Variants in PALM2AKAP2 observed in about 807,000 individuals in gnomAD.
PALM2AKAP2 encodes the protein PALM2 and AKAP2 fusion, also known as PALM2-AKAP2 fusion protein.
A neutral mutation model predicts 71.5 loss-of-function variants in PALM2AKAP2; 37 were observed. The observed-to-expected ratio is 0.52, with a 90% CI of 0.40 to 0.68. PALM2AKAP2 has a LOEUF of 0.68. Ranked by LOEUF, PALM2AKAP2 falls within the 30% of genes least tolerant of loss-of-function variation. The pLI is 0.00. For missense variants in PALM2AKAP2, 1,224 were observed against 1,191.8 expected (o/e 1.03, Z -0.40); for synonymous variants, 468 against 478.8 (o/e 0.98, Z 0.29).
chr9:110,046,274 C>T (rs1182448818), upstream of PALM2AKAP2, among the ~76,000 whole-genome samples: 4 of 152,066 alleles, frequency 2.6e-5, no homozygotes, highest in African/African-American at 7.2e-5. Context: ...ATGGCTACCT[C>T]TTTAATAATT....
intron 1 of PALM2AKAP2, among the ~76,000 whole-genome samples, chr9:109,756,099 C>T (rs12337880): frequency 9.9e-5 from 15 of 152,092 alleles, no homozygotes; most frequent in Non-Finnish European, 1.6e-4. Flanking sequence ...AGTTATAACA[C>T]TTTTGATTCA....
intron 1 of PALM2AKAP2, among the ~76,000 whole-genome samples, chr9:109,675,501 C>T (rs796118315): frequency 2.0e-5 from 3 of 152,240 alleles, no homozygotes; most frequent in African/African-American, 7.2e-5. Context: ...TGCCTCCATA[C>T]TTGTTTGGCC....
rs559223323 is a variant in PALM2AKAP2, at chr9:109,880,163, C to A, written c.127-388C>A. Among the ~76,000 whole-genome samples the A allele has an allele frequency of 2.0e-4, 30 of 152,162 alleles. No homozygotes were observed. The South Asian group carries it at 6.2e-3, about 32-fold the overall frequency. ...AAGTTTTTTAATTAAATTACAGTTG[C>A]ATAGAAAAATGTTCTTAATTTTTAG... On this transcript the variant is annotated intron_variant, in intron 2 of 9. Transcript: ENST00000302798.
intron 7 of PALM2AKAP2, among the ~76,000 whole-genome samples, chr9:110,023,602 C>T (rs1017789158): frequency 1.3e-5 from 2 of 152,050 alleles, no homozygotes; most frequent in African/African-American, 4.8e-5. Context: ...GCGTGAGCCA[C>T]AGCACCCAGC....
chr9:109,785,803 A>G (rs1297223814), intron 1 of PALM2AKAP2, among the ~76,000 whole-genome samples: 3 of 152,222 alleles, frequency 2.0e-5, no homozygotes, highest in Non-Finnish European at 2.9e-5. Context: ...AAACCGTATC[A>G]CTTGTGTTAG....
At chr9:110,130,476 T>G (rs1449805074) in intron 1 of PALM2AKAP2, among the ~76,000 whole-genome samples, 1 of 152,246 alleles carries the variant, frequency 6.6e-6, no homozygotes, top group African/African-American at 2.4e-5. Context: ...TAAACACTTT[T>G]TGGTAAATAA....
At chr9:109,931,119 G>A (rs1337066084) in intron 5 of PALM2AKAP2, among the ~76,000 whole-genome samples, 2 of 152,150 alleles carry the variant, frequency 1.3e-5, no homozygotes, top group African/African-American at 2.4e-5. Context: ...TCTTTCTGGG[G>A]TGTACCCAGA....
intron 1 of PALM2AKAP2, among the ~76,000 whole-genome samples, chr9:109,649,103 G>A (rs1048250925): frequency 1.3e-5 from 2 of 151,550 alleles, no homozygotes; most frequent in African/African-American, 4.8e-5. Context: ...TTTAAACACT[G>A]AAAGTTTGGT....
chr9:110,051,607 G>T (rs1370351094), intron 1 of PALM2AKAP2, among the ~76,000 whole-genome samples: 1 of 152,180 alleles, frequency 6.6e-6, no homozygotes, highest in African/African-American at 2.4e-5. Context: ...TTGGATGGAG[G>T]TTGTGTTGAG....
intron 1 of PALM2AKAP2, among the ~76,000 whole-genome samples, chr9:110,056,491 C>G (rs902824611): frequency 6.6e-6 from 1 of 152,218 alleles, no homozygotes; most frequent in Non-Finnish European, 1.5e-5. Context: ...GAAAGGCACT[C>G]TGTGTGCGTG....
intron 1 of PALM2AKAP2, among the ~76,000 whole-genome samples, chr9:109,737,929 G>A (rs1183049824): frequency 6.6e-6 from 1 of 152,160 alleles, no homozygotes; most frequent in Non-Finnish European, 1.5e-5. Flanking sequence ...AAGACATTAG[G>A]TGGATGGACA....
chr9:109,949,328 T>G (rs1368842713), intron 6 of PALM2AKAP2, among the ~76,000 whole-genome samples: 4 of 152,174 alleles, frequency 2.6e-5, no homozygotes, highest in Non-Finnish European at 5.9e-5. Context: ...CAGTTGGCAT[T>G]GCTTGAAAAA....
chr9:110,104,079 C>T (rs1450894837), intron 1 of PALM2AKAP2, among the ~76,000 whole-genome samples: 1 of 150,188 alleles, frequency 6.7e-6, no homozygotes, highest in Non-Finnish European at 1.5e-5. Flanking sequence ...CAGGGAGTTC[C>T]CCATATGCTG....
chr9:110,120,127 A>G (rs1835451064), intron 1 of PALM2AKAP2, among the ~76,000 whole-genome samples: 1 of 152,202 alleles, frequency 6.6e-6, no homozygotes, highest in Non-Finnish European at 1.5e-5. Flanking sequence ...TAGTTATACA[A>G]ATCAAAATTT....
chr9:109,848,032 T>C (rs1050503285), intron 1 of PALM2AKAP2, among the ~76,000 whole-genome samples: 1 of 152,240 alleles, frequency 6.6e-6, no homozygotes, highest in Non-Finnish European at 1.5e-5. Context: ...CTTGTTCCTA[T>C]GAAATAAGTC....
Position 110,168,384 on chromosome 9 carries a change from C to T in PALM2AKAP2, c.2749-15C>T. On this transcript the variant is annotated splice_polypyrimidine_tract_variant and intron_variant, in intron 3 of 3. Transcript: ENST00000374525. ...ATCCATGAACTCTGCATAATTTTTT[C>T]CCCTCTCTTTACAGGTCCTCGAGGC... 1 of 1,609,566 alleles carries T rather than the reference C, an allele frequency of 6.2e-7. No individual in the cohort carries two copies. The highest frequency in any genetic ancestry group is 8.5e-7 in the Non-Finnish European group (1 of 1,178,768).
chr9:109,703,021 G>A (rs1828087539), intron 1 of PALM2AKAP2, among the ~76,000 whole-genome samples: 3 of 152,104 alleles, frequency 2.0e-5, no homozygotes, highest in East Asian at 1.9e-4. Flanking sequence ...GTTTCACCAA[G>A]TTGGCCAGGT....
Position 110,156,588 on chromosome 9 carries a change from C to T in PALM2AKAP2, c.2748+91C>T, listed in dbSNP as rs1180787835. 22 of 1,424,746 alleles carry T rather than the reference C, an allele frequency of 1.5e-5. No homozygotes were observed. The Middle Eastern group carries it at 1.1e-3, about 73-fold the overall frequency. The allele number at this position is 1,424,746 out of a possible 1,614,324, so 88.3% of individuals were successfully genotyped here. A position where few individuals can be genotyped will look rare whatever the true frequency, so the allele number is the denominator to read the frequency against. ...CCAGTTCAGGCACAAATGTGTATGT[C>T]GTTGTCTGGTCAGCATTAGGGTTCC... On this transcript the variant is annotated intron_variant, in intron 3 of 3. Transcript: ENST00000374525.
At chr9:109,896,484 G>T (rs1371112091) in intron 3 of PALM2AKAP2, among the ~76,000 whole-genome samples, 1 of 152,154 alleles carries the variant, frequency 6.6e-6, no homozygotes, top group Non-Finnish European at 1.5e-5. Context: ...AGTGCGTCCT[G>T]TGTGCAGTGG....
Sources: allele counts gnomAD v4.1 joint callset (sites outside exome capture counted in the v4.1 genomes callset), GRCh38; gene constraint gnomAD v4.1.1; transcripts MANE v1.5; gene names NCBI Gene and HGNC (gene_info 2026-07-23, HGNC 2026-07-21).